Variants in SORCS3 observed in about 807,000 individuals in gnomAD.
SORCS3 encodes sortilin related VPS10 domain containing receptor 3.
Under a neutral mutation model 146.3 loss-of-function variants are expected in SORCS3, and 57 were observed. The ratio of observed to expected loss-of-function variants is 0.39; its 90% CI spans 0.31 to 0.49. SORCS3 has a LOEUF of 0.49. SORCS3 is among the 20% of genes least tolerant of loss of function. SORCS3 has a pLI of 0.92. For missense variants in SORCS3, 1,341 were observed against 1,575.5 expected, an observed-to-expected ratio of 0.85 and a Z score of 2.52; for synonymous variants, 653 against 618.5, an observed-to-expected ratio of 1.06 and a Z score of -0.83.
chr10:104,992,330 G>A (rs550989749), intron 4 of SORCS3, among the ~76,000 whole-genome samples: 1 of 152,196 alleles, frequency 6.6e-6, no homozygotes, highest in Non-Finnish European at 1.5e-5. Flanking sequence ...AACATCGAGG[G>A]ATCAGAGTCT....
chr10:104,976,689 A>T (rs1244265543), intron 3 of SORCS3, among the ~76,000 whole-genome samples: 1 of 152,254 alleles, frequency 6.6e-6, no homozygotes, highest in East Asian at 1.9e-4. Flanking sequence ...AGACTGGATT[A>T]AGAAATGTGG....
intron 4 of SORCS3, among the ~76,000 whole-genome samples, chr10:104,978,450 C>G (rs2054914686): frequency 6.6e-6 from 1 of 152,214 alleles, no homozygotes; most frequent in African/African-American, 2.4e-5. Context: ...CAAAACCTCT[C>G]AACTCAATGT....
intron 2 of SORCS3, among the ~76,000 whole-genome samples, chr10:104,912,205 T>C (rs1291952903): frequency 6.6e-6 from 1 of 152,232 alleles, no homozygotes; most frequent in Non-Finnish European, 1.5e-5. Context: ...GGTAACACGT[T>C]GAGTGCATTT....
intron 2 of SORCS3, among the ~76,000 whole-genome samples, chr10:104,904,601 A>G (rs2018884486): frequency 1.3e-5 from 2 of 152,032 alleles, no homozygotes; most frequent in South Asian, 4.1e-4. Flanking sequence ...GCTTTAAAAT[A>G]AAATGATATT....
chr10:104,800,206 A>G (rs774783087), intron 1 of SORCS3, among the ~76,000 whole-genome samples: 11 of 151,856 alleles, frequency 7.2e-5, no homozygotes, highest in Non-Finnish European at 1.5e-4. Flanking sequence ...TACTAAATGA[A>G]AAAGCCAATC....
chr10:104,888,023 G>C (rs1329014606), intron 2 of SORCS3, among the ~76,000 whole-genome samples: 2 of 132,542 alleles, frequency 1.5e-5, no homozygotes, highest in Non-Finnish European at 3.1e-5. Flanking sequence ...GCTTCTAAGA[G>C]TTTGGGTTTA....
intron 4 of SORCS3, among the ~76,000 whole-genome samples, chr10:105,018,635 T>C (rs2055181692): frequency 6.6e-6 from 1 of 152,238 alleles, no homozygotes; most frequent in Non-Finnish European, 1.5e-5. Flanking sequence ...TATGTTTTTC[T>C]TCTTCCCTAA....
At chr10:105,194,941 G>A (rs1409033058) in intron 14 of SORCS3, among the ~76,000 whole-genome samples, 1 of 152,152 alleles carries the variant, frequency 6.6e-6, no homozygotes, top group Non-Finnish European at 1.5e-5. Context: ...CAACCCTGTA[G>A]GTGATTCTGA....
chr10:105,232,198 T>C (rs1421710832), intron 20 of SORCS3, among the ~76,000 whole-genome samples: 1 of 152,160 alleles, frequency 6.6e-6, no homozygotes, highest in African/African-American at 2.4e-5. Context: ...AAGTTATTAA[T>C]TACTGATTCA....
At chr10:105,047,186 C>A (rs1214053469) in intron 5 of SORCS3, among the ~76,000 whole-genome samples, 1 of 151,828 alleles carries the variant, frequency 6.6e-6, no homozygotes, top group Non-Finnish European at 1.5e-5. Flanking sequence ...TTGTGATTCA[C>A]AGCTTTGCTC....
intron 2 of SORCS3, among the ~76,000 whole-genome samples, chr10:104,867,041 G>A (rs2018466603): frequency 6.6e-6 from 1 of 152,116 alleles, no homozygotes. Context: ...AGGAACTAGG[G>A]ATTCCTGGGG....
In SORCS3 at chr10:105,113,337, G is replaced by A. The variant is rs2055871538; in HGVS notation, c.1212+7822G>A. Among the ~76,000 whole-genome samples the A allele has an allele frequency of 4.6e-5, 7 of 152,266 alleles. No homozygotes were observed. The South Asian group carries it at 1.2e-3, about 27-fold the overall frequency. ...AATGTGCAATTTTTTACACATGAGT[G>A]AGAGATTATATACAAATGTACAGTA... On this transcript the variant is annotated intron_variant, in intron 7 of 26. Coordinates refer to ENST00000369701, the MANE Select transcript of SORCS3 (RefSeq NM_014978.3).
chr10:104,797,720 A>G (rs1050785643), intron 1 of SORCS3, among the ~76,000 whole-genome samples: 7 of 152,174 alleles, frequency 4.6e-5, no homozygotes, highest in East Asian at 3.8e-4. Flanking sequence ...TGATCTCTAT[A>G]TATCCAAAGT....
intron 1 of SORCS3, among the ~76,000 whole-genome samples, chr10:104,703,597 T>A (rs1228104842): frequency 1.8e-5 from 2 of 109,504 alleles, no homozygotes; most frequent in African/African-American, 7.2e-5. Context: ...CGGGGCCTGC[T>A]GGAGGGTGGG....
chr10:105,188,844 G>T (rs1564780047), intron 14 of SORCS3, among the ~76,000 whole-genome samples: 1 of 152,196 alleles, frequency 6.6e-6, no homozygotes, highest in Non-Finnish European at 1.5e-5. Context: ...CCAGTAAAAG[G>T]AGTTGAAGCT....
At chr10:104,769,930 A>G (rs1341031338) in intron 1 of SORCS3, among the ~76,000 whole-genome samples, 1 of 152,156 alleles carries the variant, frequency 6.6e-6, no homozygotes, top group Non-Finnish European at 1.5e-5. Flanking sequence ...AATGATAATG[A>G]TGACTGTTAT....
rs114360545 is a variant in SORCS3 at position 104,823,300 on chromosome 10, G to A, written c.628-19492G>A. On this transcript the variant is annotated intron_variant, in intron 1 of 26. Coordinates refer to ENST00000369701, the MANE Select transcript of SORCS3 (RefSeq NM_014978.3). ...GAGGTTTAGGCCATGGGAACACTTA[G>A]ATGGTCCTCCCCTATGTGTTGGATT... Among the ~76,000 whole-genome samples the A allele has an allele frequency of 9.0e-3, 1,369 of 152,298 alleles. 14 individuals carry two copies. The highest frequency in any genetic ancestry group is 0.031 in the African/African-American group (1,299 of 41,560).
chr10:105,229,939 G>A (rs2056757344), intron 20 of SORCS3, among the ~76,000 whole-genome samples: 1 of 152,156 alleles, frequency 6.6e-6, no homozygotes, highest in South Asian at 2.1e-4. Context: ...AGCAATGGCA[G>A]GATAACCCTC....
intron 24 of SORCS3, among the ~76,000 whole-genome samples, chr10:105,256,288 G>T (rs1246776497): frequency 6.6e-6 from 1 of 152,146 alleles, no homozygotes; most frequent in Non-Finnish European, 1.5e-5. Context: ...AATCTAAAAA[G>T]GCATGTCCCA....
Sources: gnomAD v4.1 joint callset for allele counts (sites outside exome capture counted in the v4.1 genomes callset) on GRCh38, gnomAD v4.1.1 for gene constraint, MANE v1.5 for transcripts, NCBI Gene and HGNC (gene_info 2026-07-23, HGNC 2026-07-21) for gene names.